RALY: variants seen among roughly 807,000 people sequenced by gnomAD.
RALY encodes RNA-binding protein Raly.
A neutral mutation model predicts 30.7 loss-of-function variants in RALY; 15 were observed. The observed-to-expected ratio is 0.49, with a 90% confidence interval of 0.33 to 0.75. The LOEUF (loss-of-function observed/expected upper bound fraction) is 0.75. RALY is among the 30% of genes least tolerant of loss of function. The probability of loss-of-function intolerance (pLI) is 0.02; values close to 1 mark genes in which losing one functional copy is unlikely to be tolerated. For missense variants in RALY, 339 were observed against 414.3 expected, an observed-to-expected ratio of 0.82 and a Z score of 1.58; for synonymous variants, 177 against 170.8, an observed-to-expected ratio of 1.04 and a Z score of -0.28.
rs981223686 is a variant in RALY, at chr20:34,077,428, A to G, written c.876+183A>G. ...AGCAGGGGGCACTTGCCTATCTCAG[A>G]CACCATCAGAAGTCCCACTGAGGCC... On this transcript the variant is annotated intron_variant, in intron 8 of 9. Coordinates refer to ENST00000246194, the MANE Select transcript of RALY (RefSeq NM_016732.3). 6.1e-5 allele frequency: 84 copies of G among 1,375,270 alleles called. 1 individual carries two copies. In the Middle Eastern group the frequency reaches 1.3e-3, roughly 21 times the overall value. 85.2% of individuals were successfully genotyped at this position (1,375,270 alleles called of 1,614,324 possible). A position where few individuals can be genotyped will look rare whatever the true frequency, so the allele number is the denominator to read the frequency against.
At chr20:33,995,849 A>G (rs1308003685) in intron 1 of RALY, among the ~76,000 whole-genome samples, 2 of 152,148 alleles carry the variant, frequency 1.3e-5, no homozygotes, top group East Asian at 3.8e-4. Context: ...TAATCCAGTA[A>G]TATTTTTATT....
intron 2 of RALY, among the ~76,000 whole-genome samples, chr20:34,050,730 G>A (rs1265904454): frequency 1.3e-5 from 2 of 152,198 alleles, no homozygotes; most frequent in Non-Finnish European, 2.9e-5. Flanking sequence ...TACAGAGGCT[G>A]CTGGGATCTG....
rs1194049633 is a variant in RALY at position 34,034,459 on chromosome 20, A to G, written c.-10+2855A>G. 2.6e-5 allele frequency among the ~76,000 whole-genome samples: 4 copies of G among 152,284 alleles called. No homozygotes were observed. The East Asian group carries it at 7.7e-4, about 29-fold the overall frequency. Reference sequence around the variant, plus strand: ...CTGGCCTTTCCCTGGCCTGGGTGCCAAGCTTGGATCTTATATGCTTCCTGT... The same window carrying G: ...CTGGCCTTTCCCTGGCCTGGGTGCCGAGCTTGGATCTTATATGCTTCCTGT... On this transcript the variant is annotated intron_variant, in intron 2 of 9. Coordinates refer to ENST00000246194, the MANE Select transcript of RALY (RefSeq NM_016732.3).
At chr20:34,019,286 T>C (rs1220449131) in intron 1 of RALY, among the ~76,000 whole-genome samples, 2 of 151,722 alleles carry the variant, frequency 1.3e-5, no homozygotes, top group Admixed American at 1.3e-4. Flanking sequence ...AGATCATGCA[T>C]CTTGCACTCC....
chr20:34,045,268 A>G (rs1342676618), intron 2 of RALY, among the ~76,000 whole-genome samples: 2 of 152,178 alleles, frequency 1.3e-5, no homozygotes, highest in African/African-American at 4.8e-5. Flanking sequence ...TCAATTATGT[A>G]ATTCTATATG....
chr20:34,048,314 G>A (rs2032955291), intron 2 of RALY, among the ~76,000 whole-genome samples: 1 of 152,162 alleles, frequency 6.6e-6, no homozygotes, highest in Admixed American at 6.5e-5. Flanking sequence ...TGCTCCTGGG[G>A]GGATGAGAGT....
intron 1 of RALY, chr20:34,017,433 A>T (rs1425960249): frequency 6.6e-6 from 1 of 152,222 alleles, no homozygotes; most frequent in African/African-American, 2.4e-5. Context: ...TTACCCTTCT[A>T]CAGACTGAAC....
intron 2 of RALY, among the ~76,000 whole-genome samples, chr20:34,047,883 T>G (rs1293334049): frequency 1.3e-5 from 2 of 152,158 alleles, no homozygotes; most frequent in African/African-American, 4.8e-5. Flanking sequence ...CTGCTCTGAT[T>G]CCCTGACCAA....
chr20:34,041,963 G>C (rs2032716340), intron 2 of RALY, among the ~76,000 whole-genome samples: 1 of 152,194 alleles, frequency 6.6e-6, no homozygotes, highest in East Asian at 1.9e-4. Context: ...AAATTAGCTA[G>C]GCATGGTGGC....
chr20:34,060,256 A>AG (rs1264617828), intron 2 of RALY, among the ~76,000 whole-genome samples: 40 of 152,216 alleles, frequency 2.6e-4, no homozygotes, highest in Non-Finnish European at 5.4e-4. Context: ...ATAATAATTG[A>AG]GGTTGAGCAT....
At chr20:34,045,641 G>A (rs2032854894) in intron 2 of RALY, among the ~76,000 whole-genome samples, 1 of 152,198 alleles carries the variant, frequency 6.6e-6, no homozygotes. Context: ...GCCATCTTCT[G>A]TCTTTTGGCC....
intron 1 of RALY, among the ~76,000 whole-genome samples, chr20:34,025,905 T>TTG (rs1345864900): frequency 2.1e-5 from 3 of 142,372 alleles, no homozygotes; most frequent in South Asian, 2.2e-4. Context: ...GGTTGTTTTT[T>TTG]TTTTTTTTTT....
intron 2 of RALY, among the ~76,000 whole-genome samples, chr20:34,069,674 C>T (rs2033672531): frequency 6.6e-6 from 1 of 152,180 alleles, no homozygotes; most frequent in Admixed American, 6.5e-5. Flanking sequence ...TCAGCGAGAA[C>T]TGTGAGGAAT....
intron 2 of RALY, among the ~76,000 whole-genome samples, chr20:34,033,543 A>T (rs994760757): frequency 6.6e-6 from 1 of 152,084 alleles, no homozygotes; most frequent in Non-Finnish European, 1.5e-5. Flanking sequence ...TAAGAAAGGG[A>T]GAGGGGAGAT....
chr20:34,033,091 A>G (rs1397367724), intron 2 of RALY: 2 of 152,260 alleles, frequency 1.3e-5, no homozygotes, highest in Non-Finnish European at 2.9e-5. Context: ...GTACAGGGTA[A>G]GGACCTGAGT....
intron 7 of RALY, 47 bp from the exon 8 acceptor site, chr20:34,076,981 C>A (rs746633240): frequency 1.2e-6 from 2 of 1,609,638 alleles, no homozygotes. Flanking sequence ...TAGACAGCTA[C>A]CCCAGGCTGA....
chr20:34,078,663 G>A, intron 9 of RALY, 110 bp downstream of exon 9: 1 of 1,030,782 alleles, frequency 9.7e-7, no homozygotes, highest in South Asian at 2.4e-5. Flanking sequence ...TGGCCAAGTA[G>A]CACTGACTAT....
At chr20:34,053,512 C>G (rs1025013932) in intron 2 of RALY, among the ~76,000 whole-genome samples, 5 of 150,488 alleles carry the variant, frequency 3.3e-5, no homozygotes, top group Non-Finnish European at 5.9e-5. Flanking sequence ...GTCCTCCCAC[C>G]TCAGCCTCCC....
At chr20:34,072,650 A>G (rs1238011087) in intron 3 of RALY, among the ~76,000 whole-genome samples, 1 of 152,216 alleles carries the variant, frequency 6.6e-6, no homozygotes. Flanking sequence ...CACCGGGTAC[A>G]GATGACTTAG....
Sources: allele counts gnomAD v4.1 joint callset (sites outside exome capture counted in the v4.1 genomes callset), GRCh38; gene constraint gnomAD v4.1.1; transcripts MANE v1.5; gene names NCBI Gene and HGNC (gene_info 2026-07-23, HGNC 2026-07-21).